UNC13A: variants seen among roughly 807,000 people sequenced by gnomAD.
The protein encoded by UNC13A is unc-13 homolog A.
UNC13A carries 61 observed loss-of-function variants against 219.7 expected under a neutral mutation model. The ratio of observed to expected loss-of-function variants is 0.28; its 90% CI spans 0.23 to 0.34. The LOEUF (loss-of-function observed/expected upper bound fraction) is 0.34, where lower values mean the gene tolerates loss of function less well. UNC13A is among the 10% of genes least tolerant of loss of function. UNC13A has a pLI of 1.00. For missense variants in UNC13A, 1,476 were observed against 2,270.3 expected, an observed-to-expected ratio of 0.65 and a Z score of 7.11; for synonymous variants, 920 against 884.6, an observed-to-expected ratio of 1.04 and a Z score of -0.71.
At chr19:17,639,569 G>A (rs752817362) in intron 23 of UNC13A, 44 bp from the exon 24 acceptor site, 1 of 1,585,102 alleles carries the variant, frequency 6.3e-7, no homozygotes, top group Non-Finnish European at 8.6e-7. Flanking sequence ...AAGAAGGCGT[G>A]GGGAGGATGG....
chr19:17,680,884 C>CTTTTTTT (rs2079997096), intron 1 of UNC13A, among the ~76,000 whole-genome samples: 14 of 69,502 alleles, frequency 2.0e-4, no homozygotes, highest in Non-Finnish European at 2.6e-4. Flanking sequence ...TTTTTCTTTT[C>CTTTTTTT]TTTTCTTTTT....
chr19:17,661,104 C>CTTTTTTTTTTTT (rs11287808), intron 8 of UNC13A, among the ~76,000 whole-genome samples: 1 of 135,394 alleles, frequency 7.4e-6, no homozygotes, highest in Non-Finnish European at 1.6e-5. Context: ...ACACCCGGCC[C>CTTTTTTTTTTTT]TTTTTTTTTT....
intron 1 of UNC13A, among the ~76,000 whole-genome samples, chr19:17,685,187 A>T (rs879326875): frequency 8.0e-5 from 12 of 150,390 alleles, no homozygotes; most frequent in Admixed American, 2.0e-4. Flanking sequence ...GAGTGTTAGG[A>T]CATGAGTGAA....
intron 25 of UNC13A, 113 bp downstream of exon 25, chr19:17,638,967 TAGA>T: frequency 8.0e-7 from 1 of 1,243,264 alleles, no homozygotes; most frequent in Non-Finnish European, 1.1e-6. Context: ...CCCCATTTTA[TAGA>T]AGAAGATACT....
chr19:17,651,189 A>T (rs11671377), intron 12 of UNC13A, among the ~76,000 whole-genome samples: 2 of 151,160 alleles, frequency 1.3e-5, no homozygotes, highest in South Asian at 2.1e-4. Flanking sequence ...TCAACCGCCT[A>T]GGCCTCCCAA....
At chr19:17,628,017 T>A in intron 31 of UNC13A, 77 bp from the exon 32 acceptor site, 1 of 1,411,140 alleles carries the variant, frequency 7.1e-7, no homozygotes, top group South Asian at 1.2e-5. Flanking sequence ...GCCAGGGACC[T>A]TGGGATGGTT....
chr19:17,683,125 G>A (rs2080049461), intron 1 of UNC13A, among the ~76,000 whole-genome samples: 1 of 152,098 alleles, frequency 6.6e-6, no homozygotes, highest in Non-Finnish European at 1.5e-5. Context: ...CTCCACAGAA[G>A]GGACTTGGCT....
Position 17,630,868 on chromosome 19 carries a change from C to G in UNC13A, c.3429-118G>C. On this transcript the variant is annotated intron_variant, in intron 28 of 43. Transcript: ENST00000519716. ...GGCTGCTCCTGCTCTGCCTGGAGCT[C>G]TCCCTGCAGCCTTGAGTGGCTGCTC... 2 of 849,178 alleles carry G rather than the reference C, an allele frequency of 2.4e-6. 1 individual carries two copies. Among genetic ancestry groups the G allele is most frequent in the Non-Finnish European group, 3.6e-6 (2 of 551,742 alleles). The allele number at this position is 849,178 out of a possible 1,614,324, so 52.6% of individuals were successfully genotyped here.
In UNC13A at chr19:17,656,084, C is replaced by T. The variant is rs763613199; in HGVS notation, c.1082G>A (p.Arg361His). ...VPDDLGSYAQ[R>H]EDVAVAEPKD... ...GGGCTCAGCCACAGCTACGTCTTCA[C>T]GCTGGGCATAGCTGCCCAAATCGTC... The change falls in exon 10 of 44, where the codon CGT becomes CAT. Residue 361 changes from arginine (R) to histidine (H), a missense_variant. Arg to His is a conservative substitution (Grantham distance 29). Around this residue, in one of 14 missense-constraint regions of UNC13A, gnomAD observed 351 missense variants for 342.6 expected, o/e 1.02. Coordinates refer to ENST00000519716, the MANE Select transcript of UNC13A (RefSeq NM_001080421.3). The T allele has an allele frequency of 3.4e-5, 53 of 1,553,202 alleles. No individual in the cohort carries two copies. The highest frequency in any genetic ancestry group is 4.4e-5 in the Non-Finnish European group (50 of 1,147,758).
chr19:17,666,505 C>T (rs1205746082), intron 7 of UNC13A, 145 bp downstream of exon 7: 1 of 570,852 alleles, frequency 1.8e-6, no homozygotes, highest in East Asian at 3.5e-5. Flanking sequence ...CCTCAGAACG[C>T]TGATTTCTAA....
At position 17,612,487 on chromosome 19, in the gene UNC13A, T is replaced by G. The variant is rs144066564; in HGVS notation, c.4559-632A>C. On this transcript the variant is annotated intron_variant, in intron 41 of 43. Coordinates refer to ENST00000519716, the MANE Select transcript of UNC13A (RefSeq NM_001080421.3). ...CCATGCCTGGACTATTGCAGTAGCC[T>G]CCTTGCTGGTCTTCCTTCCACTCTT... 2.0e-5 allele frequency among the ~76,000 whole-genome samples: 3 copies of G among 152,232 alleles called. No homozygotes were observed. The East Asian group carries it at 5.8e-4, about 29-fold the overall frequency.
intron 20 of UNC13A, 119 bp downstream of exon 20, chr19:17,642,726 T>A (rs983508555): frequency 2.5e-6 from 2 of 801,426 alleles, no homozygotes; most frequent in Non-Finnish European, 3.9e-6. Flanking sequence ...GGGAATGGCA[T>A]GGCGGGCAGT....
intron 41 of UNC13A, chr19:17,612,064 T>TG (rs1205997368): frequency 8.0e-6 from 4 of 499,900 alleles, no homozygotes; most frequent in Admixed American, 3.4e-5. Flanking sequence ...TGTGTGATCT[T>TG]GGGTAGATTG....
rs760928632 is a variant in UNC13A at position 17,627,374 on chromosome 19, G to C, written c.3920+135C>G. ...CACAGCTAGTAAGCAGTAAAGCCAA[G>C]ATTTGAACTCAGCCTTGTCTAACTC... On this transcript the variant is annotated intron_variant, in intron 33 of 43. Coordinates refer to ENST00000519716, the MANE Select transcript of UNC13A (RefSeq NM_001080421.3). This position sits in a 1 kb window ranked among gnomAD's most constrained non-coding sequence, Gnocchi z 4.7. 48 of 686,646 alleles carry C rather than the reference G, an allele frequency of 7.0e-5. No individual in the cohort carries two copies. The highest frequency in any genetic ancestry group is 1.0e-4 in the Non-Finnish European group (41 of 407,046). The allele number at this position is 686,646 out of a possible 1,614,324, so 42.5% of individuals were successfully genotyped here.
chr19:17,653,299 C>T (rs911501231), intron 11 of UNC13A, among the ~76,000 whole-genome samples: 2 of 151,594 alleles, frequency 1.3e-5, no homozygotes, highest in South Asian at 2.1e-4. Context: ...GGACCACACA[C>T]ACAAGCCACC....
chr19:17,686,892 C>T (rs2080123707), intron 1 of UNC13A, among the ~76,000 whole-genome samples: 1 of 152,006 alleles, frequency 6.6e-6, no homozygotes, highest in Non-Finnish European at 1.5e-5. Flanking sequence ...TGTGTCCAGG[C>T]AGCAGGAGTT....
At chr19:17,667,658 A>G (rs1296414938) in intron 6 of UNC13A, among the ~76,000 whole-genome samples, 1 of 151,824 alleles carries the variant, frequency 6.6e-6, no homozygotes, top group Non-Finnish European at 1.5e-5. Context: ...TACTTTTAGT[A>G]GAGACGGGGT....
chr19:17,641,828 A>G (rs183186404), intron 20 of UNC13A, among the ~76,000 whole-genome samples: 4 of 150,820 alleles, frequency 2.7e-5, no homozygotes, highest in Admixed American at 2.6e-4. Context: ...CACCTACCCA[A>G]TCATTCATTC....
At chr19:17,670,942 A>G (rs2079775232) in intron 4 of UNC13A, among the ~76,000 whole-genome samples, 1 of 151,040 alleles carries the variant, frequency 6.6e-6, no homozygotes, top group Admixed American at 6.6e-5. Context: ...ATAAAATAAA[A>G]TAAAATAAAA....
Sources: allele counts gnomAD v4.1 joint callset (sites outside exome capture counted in the v4.1 genomes callset), GRCh38; gene constraint gnomAD v4.1.1; regional missense constraint gnomAD v4.1.1; non-coding constraint Gnocchi (gnomAD v3.1); transcripts MANE v1.5; gene names NCBI Gene and HGNC (gene_info 2026-07-23, HGNC 2026-07-21).